The following RBFOX1 variants were observed in gnomAD, a reference collection of about 807,000 sequenced individuals.
RBFOX1 encodes the protein RNA binding protein fox-1 homolog 1.
Under a neutral mutation model 57.7 loss-of-function variants are expected in RBFOX1, and 8 were observed. The ratio of observed to expected loss-of-function variants is 0.14; its 90% CI spans 0.08 to 0.25. RBFOX1 has a LOEUF of 0.25. Among genes scored for constraint, RBFOX1 ranks in the 10% least tolerant of loss-of-function variants. The pLI is 1.00. For missense variants in RBFOX1, 611 were observed against 548.5 expected (o/e 1.11, Z -1.14); for synonymous variants, 326 against 222.4 (o/e 1.47, Z -4.15).
At chr16:6,160,975 CCTT>C (rs2096874167) in intron 1 of RBFOX1, among the ~76,000 whole-genome samples, 1 of 152,210 alleles carries the variant, frequency 6.6e-6, no homozygotes, top group Non-Finnish European at 1.5e-5. Context: ...TTCTATCTCT[CCTT>C]CTTCCTACCG....
intron 4 of RBFOX1, among the ~76,000 whole-genome samples, chr16:7,246,004 C>T (rs2094283149): frequency 6.6e-6 from 1 of 151,984 alleles, no homozygotes; most frequent in Non-Finnish European, 1.5e-5. Context: ...ATTTGTTTTT[C>T]CACTTCAAGT....
At chr16:5,670,238 G>A (rs896937163) in intron 3 of RBFOX1, among the ~76,000 whole-genome samples, 2 of 152,140 alleles carry the variant, frequency 1.3e-5, no homozygotes, top group African/African-American at 2.4e-5. Context: ...TAATGAAAAT[G>A]TTCTGGACTC....
intron 3 of RBFOX1, among the ~76,000 whole-genome samples, chr16:6,790,333 C>G (rs976817467): frequency 4.6e-5 from 7 of 151,792 alleles, no homozygotes; most frequent in African/African-American, 1.7e-4. Context: ...TACAGGCACC[C>G]GCCACCATGC....
chr16:6,948,305 C>G (rs1375605644), intron 3 of RBFOX1, among the ~76,000 whole-genome samples: 2 of 143,680 alleles, frequency 1.4e-5, no homozygotes, highest in Non-Finnish European at 3.0e-5. Flanking sequence ...TTAAAACAAA[C>G]AAAATAAAGC....
chr16:6,704,395 G>C (rs541682977), intron 3 of RBFOX1: 14 of 152,386 alleles, frequency 9.2e-5, no homozygotes, highest in African/African-American at 3.4e-4. Context: ...ACATGAGGTG[G>C]TTCTGCTGTC....
chr16:7,579,739 C>G (rs2093611075), intron 5 of RBFOX1, 38 bp from the exon 6 acceptor site: 2 of 1,613,096 alleles, frequency 1.2e-6, no homozygotes, highest in African/African-American at 2.7e-5. Flanking sequence ...GCACTGTGGT[C>G]CACTGAGAAC....
intron 3 of RBFOX1, among the ~76,000 whole-genome samples, chr16:6,807,699 G>T (rs11077088): frequency 6.6e-6 from 1 of 151,740 alleles, no homozygotes; most frequent in African/African-American, 2.4e-5. Flanking sequence ...GCCTGTAATC[G>T]GAGCTACTCG....
chr16:5,556,133 G>C (rs747227110), intron 2 of RBFOX1, among the ~76,000 whole-genome samples: 1 of 152,194 alleles, frequency 6.6e-6, no homozygotes, highest in Non-Finnish European at 1.5e-5. Context: ...AATTTATATT[G>C]AGGAAATATG....
chr16:6,172,298 T>G (rs987984714), intron 1 of RBFOX1, among the ~76,000 whole-genome samples: 5 of 151,422 alleles, frequency 3.3e-5, no homozygotes, highest in African/African-American at 1.2e-4. Flanking sequence ...GTCCTCATCT[T>G]CTGCAAGTTG....
chr16:5,555,649 T>C (rs965000292), intron 2 of RBFOX1, among the ~76,000 whole-genome samples: 3 of 152,124 alleles, frequency 2.0e-5, no homozygotes, highest in Non-Finnish European at 4.4e-5. Context: ...ATGTGCCCTA[T>C]GTGTAGCTCT....
At chr16:5,453,790 C>A (rs1481852636) in intron 1 of RBFOX1, among the ~76,000 whole-genome samples, 2 of 152,162 alleles carry the variant, frequency 1.3e-5, no homozygotes, top group African/African-American at 4.8e-5. Flanking sequence ...TAATTGATAT[C>A]CTGACTACTT....
At chr16:6,979,549 T>C (rs1023268736) in intron 3 of RBFOX1, among the ~76,000 whole-genome samples, 10 of 152,190 alleles carry the variant, frequency 6.6e-5, no homozygotes, top group African/African-American at 2.4e-4. Flanking sequence ...GATACAGCAA[T>C]GCTTTTGCAA....
intron 4 of RBFOX1, among the ~76,000 whole-genome samples, chr16:7,455,123 C>G (rs2058239311): frequency 6.6e-6 from 1 of 152,220 alleles, no homozygotes; most frequent in Non-Finnish European, 1.5e-5. Flanking sequence ...CTTGAAGCCT[C>G]AGATTGCATC....
chr16:7,002,724 C>A (rs55768701), intron 3 of RBFOX1, among the ~76,000 whole-genome samples: 3 of 151,804 alleles, frequency 2.0e-5, no homozygotes, highest in African/African-American at 7.3e-5. Flanking sequence ...AACAAAGAAA[C>A]AAACAAAAAA....
intron 4 of RBFOX1, among the ~76,000 whole-genome samples, chr16:7,309,668 A>G (rs2096267299): frequency 6.6e-6 from 1 of 152,184 alleles, no homozygotes; most frequent in African/African-American, 2.4e-5. Flanking sequence ...CTCTGCCCCA[A>G]GAGGAAACAT....
At chr16:5,905,251 A>G (rs2058429563) in intron 4 of RBFOX1, among the ~76,000 whole-genome samples, 1 of 151,528 alleles carries the variant, frequency 6.6e-6, no homozygotes, top group African/African-American at 2.4e-5. Flanking sequence ...TATTATTAGT[A>G]GAGACGGCCC....
At chr16:5,545,355 T>C (rs1366663674) in intron 2 of RBFOX1, among the ~76,000 whole-genome samples, 2 of 152,140 alleles carry the variant, frequency 1.3e-5, no homozygotes, top group Admixed American at 1.3e-4. Context: ...GAGGAAAGAT[T>C]ATTTTAGGAG....
At chr16:7,177,707 T>A (rs1272924411) in intron 4 of RBFOX1, among the ~76,000 whole-genome samples, 1 of 152,166 alleles carries the variant, frequency 6.6e-6, no homozygotes, top group Non-Finnish European at 1.5e-5. Flanking sequence ...GCAAATCTCT[T>A]CTGTGAGGAG....
chr16:5,986,059 C>CTTTTTTTTTTTT (rs56316210), intron 4 of RBFOX1, among the ~76,000 whole-genome samples: 1 of 136,202 alleles, frequency 7.3e-6, no homozygotes. Flanking sequence ...TTTTTCTTTA[C>CTTTTTTTTTTTT]TTTTTTTTTT....
Sources: allele counts gnomAD v4.1 joint callset (sites outside exome capture counted in the v4.1 genomes callset), GRCh38; gene constraint gnomAD v4.1.1; transcripts MANE v1.5; gene names NCBI Gene and HGNC (gene_info 2026-07-23, HGNC 2026-07-21).